ASH1L: variants seen among roughly 807,000 people sequenced by gnomAD.
ASH1L encodes ASH1 like histone lysine methyltransferase.
ASH1L carries 23 observed loss-of-function variants against 269.0 expected under a neutral mutation model. The ratio of observed to expected loss-of-function variants is 0.09; its 90% confidence interval spans 0.06 to 0.12. ASH1L has a LOEUF of 0.12. Among genes scored for constraint, ASH1L ranks in the 10% least tolerant of loss-of-function variants. The pLI, the probability that ASH1L is intolerant of heterozygous loss-of-function variation, is 1.00. For missense variants in ASH1L, 2,912 were observed against 3,567.8 expected (o/e 0.82, Z 4.68); for synonymous variants, 1,187 against 1,253.5 (o/e 0.95, Z 1.12).
intron 2 of ASH1L, among the ~76,000 whole-genome samples, chr1:155,498,426 C>T (rs1258483063): frequency 6.6e-6 from 1 of 151,918 alleles, no homozygotes; most frequent in Non-Finnish European, 1.5e-5. Context: ...TTTGTTTGTT[C>T]ATTTTTTTGT....
chr1:155,474,955 C>T (rs1225580685), intron 3 of ASH1L, among the ~76,000 whole-genome samples: 1 of 152,172 alleles, frequency 6.6e-6, no homozygotes. Flanking sequence ...AACCTAAAAT[C>T]AATACTCCTT....
intron 2 of ASH1L, among the ~76,000 whole-genome samples, chr1:155,491,184 T>C (rs1212704429): frequency 6.6e-6 from 1 of 152,108 alleles, no homozygotes; most frequent in Non-Finnish European, 1.5e-5. Flanking sequence ...GCCCTTAATA[T>C]AATACTTCTT....
At chr1:155,351,954 T>G (rs1011293223) in intron 17 of ASH1L, among the ~76,000 whole-genome samples, 2 of 152,162 alleles carry the variant, frequency 1.3e-5, no homozygotes, top group African/African-American at 4.8e-5. Flanking sequence ...AATTTAGTAC[T>G]GTACTGTGAA....
At chr1:155,392,194 T>G (rs776231447) in intron 7 of ASH1L, among the ~76,000 whole-genome samples, 2 of 152,174 alleles carry the variant, frequency 1.3e-5, no homozygotes, top group Non-Finnish European at 2.9e-5. Flanking sequence ...TGAGTTTATA[T>G]GCAAAATTTG....
At chr1:155,350,698 A>C (rs1322387343) in intron 17 of ASH1L, among the ~76,000 whole-genome samples, 1 of 152,116 alleles carries the variant, frequency 6.6e-6, no homozygotes, top group Non-Finnish European at 1.5e-5. Flanking sequence ...CAAGGCGGGC[A>C]GATCATGAGG....
intron 3 of ASH1L, among the ~76,000 whole-genome samples, chr1:155,470,186 C>T (rs1468898855): frequency 3.9e-5 from 6 of 152,072 alleles, no homozygotes; most frequent in African/African-American, 7.2e-5. Context: ...AGGCTGTGCG[C>T]GGTGGCTCAC....
chr1:155,479,987 G>C lies in ASH1L; in HGVS notation c.2883C>G (p.Asp961Glu), dbSNP rs774023621. Residue 961 changes from aspartate (D) to glutamate (E), a missense_variant, in exon 3 of 28, where the codon GAC becomes GAG. This residue lies in a region of ASH1L where 715 missense variants were observed against 721.0 expected (regional missense o/e 0.99). Coordinates refer to ENST00000392403, the MANE Select transcript of ASH1L (RefSeq NM_018489.3). ...TTTTTTTATCTGGTTCCATCTCAAGGTCACTCATACTACAGACACTTGGCC... is the reference window on the plus strand; with the variant it reads ...TTTTTTTATCTGGTTCCATCTCAAGCTCACTCATACTACAGACACTTGGCC... The part of the protein sequence containing the change: ...SHRPSVCSMS[D>E]LEMEPDKKIT... 1 of 1,613,568 alleles carries C rather than the reference G, an allele frequency of 6.2e-7. No homozygotes were observed. Among genetic ancestry groups the C allele is most frequent in the Non-Finnish European group, 8.5e-7 (1 of 1,179,912 alleles).
intron 7 of ASH1L, among the ~76,000 whole-genome samples, chr1:155,382,401 G>C (rs1386576885): frequency 1.3e-5 from 2 of 152,162 alleles, no homozygotes; most frequent in African/African-American, 4.8e-5. Flanking sequence ...GGGAGGCTGA[G>C]GCAGGAGAAT....
rs900591514 is a variant in ASH1L at position 155,482,121 on chromosome 1, C to T, written c.749G>A (p.Ser250Asn). 1.2e-6 allele frequency: 2 copies of T among 1,613,938 alleles called. No individual in the cohort carries two copies. Among genetic ancestry groups the T allele is most frequent in the African/African-American group, 1.3e-5 (1 of 74,882 alleles). Residue 250 changes from serine to asparagine, a missense_variant, in exon 3 of 28, where the codon AGC (serine) becomes AAC (asparagine). By Grantham distance (46) the Ser-to-Asn change is conservative (BLOSUM62 1). Coordinates refer to ENST00000392403, the MANE Select transcript of ASH1L (RefSeq NM_018489.3). ...ACCTGCTTTCCTGATCAAATCCTTG[C>T]TAACCAATCCTGCTGTAGTGCCAGT... ...LGTGTTAGLV[S>N]KDLIRKAGVG...
intron 5 of ASH1L, among the ~76,000 whole-genome samples, chr1:155,423,791 C>A (rs770065984): frequency 6.6e-6 from 1 of 152,114 alleles, no homozygotes; most frequent in Non-Finnish European, 1.5e-5. Flanking sequence ...AATGCAATGG[C>A]GTGATTCGGC....
rs909100977 is a variant in ASH1L at position 155,507,219 on chromosome 1, G to A, written c.420+13881C>T. Among the ~76,000 whole-genome samples the A allele has an allele frequency of 4.6e-5, 7 of 151,850 alleles. No individual in the cohort carries two copies. In the East Asian group the frequency reaches 1.2e-3, roughly 25 times the overall value. ...CGCTTGAACCCAGGAGGTGGAGGTTGCGGTGTGCCGAGATCGCGCCATGGC... is the reference window on the plus strand; with the variant it reads ...CGCTTGAACCCAGGAGGTGGAGGTTACGGTGTGCCGAGATCGCGCCATGGC... On this transcript the variant is annotated intron_variant, in intron 2 of 27. Transcript: ENST00000392403.
intron 4 of ASH1L, among the ~76,000 whole-genome samples, chr1:155,459,150 T>A (rs1210889761): frequency 6.6e-6 from 1 of 152,074 alleles, no homozygotes; most frequent in Non-Finnish European, 1.5e-5. Context: ...ATTTTGCATA[T>A]CCCTAGAGAT....
At chr1:155,534,146 C>T (rs1017609393) in intron 1 of ASH1L, among the ~76,000 whole-genome samples, 2 of 146,276 alleles carry the variant, frequency 1.4e-5, no homozygotes, top group African/African-American at 5.1e-5. Context: ...TTGCACTCCA[C>T]GCTGGAAACA....
intron 8 of ASH1L, 110 bp downstream of exon 8, chr1:155,379,933 G>A: frequency 3.8e-6 from 3 of 795,240 alleles, no homozygotes; most frequent in Non-Finnish European, 6.3e-6. Context: ...GGACACTTCT[G>A]AAAACCTCCT....
At chr1:155,559,867 T>C (rs1671841456) in intron 1 of ASH1L, among the ~76,000 whole-genome samples, 1 of 152,070 alleles carries the variant, frequency 6.6e-6, no homozygotes, top group Non-Finnish European at 1.5e-5. Context: ...TCAAATCACC[T>C]CAGGCCCAAT....
chr1:155,476,866 T>C (rs1665593099), intron 3 of ASH1L, among the ~76,000 whole-genome samples: 1 of 152,078 alleles, frequency 6.6e-6, no homozygotes, highest in Non-Finnish European at 1.5e-5. Context: ...TGCACAAGTT[T>C]TTAATCTTTT....
At chr1:155,542,679 TA>T (rs918290539) in intron 1 of ASH1L, among the ~76,000 whole-genome samples, 3 of 99,474 alleles carry the variant, frequency 3.0e-5, no homozygotes, top group Non-Finnish European at 4.2e-5. Flanking sequence ...ATTAATTAAT[TA>T]ATTTTTTTTT....
chr1:155,406,434 G>T (rs1659300086), intron 6 of ASH1L, among the ~76,000 whole-genome samples: 1 of 152,222 alleles, frequency 6.6e-6, no homozygotes, highest in Non-Finnish European at 1.5e-5. Context: ...GCCAGGAGCA[G>T]TGGCTCACGC....
intron 10 of ASH1L, among the ~76,000 whole-genome samples, chr1:155,373,186 C>T (rs1656130409): frequency 6.7e-6 from 1 of 149,870 alleles, no homozygotes; most frequent in Admixed American, 6.7e-5. Context: ...GTACTCCAGC[C>T]TGGGCAAAAG....
Sources: gnomAD v4.1 joint callset for allele counts (sites outside exome capture counted in the v4.1 genomes callset) on GRCh38, gnomAD v4.1.1 for gene constraint, gnomAD v4.1.1 regional missense constraint, MANE v1.5 for transcripts, NCBI Gene and HGNC (gene_info 2026-07-23, HGNC 2026-07-21) for gene names.